Variants in KCNH7 observed in about 807,000 individuals in gnomAD.
KCNH7 encodes the protein potassium voltage-gated channel subfamily H member 7, also known as voltage-gated inwardly rectifying potassium channel KCNH7.
In KCNH7, 49 loss-of-function variants were observed where a neutral mutation model predicts 120.8. The ratio of observed to expected loss-of-function variants is 0.41; its 90% CI spans 0.32 to 0.51. KCNH7 has a LOEUF of 0.51. Among genes scored for constraint, KCNH7 ranks in the 20% least tolerant of loss-of-function variants. KCNH7 has a pLI of 0.38. For missense variants in KCNH7, 1,097 were observed against 1,446.6 expected (o/e 0.76, Z 3.92); for synonymous variants, 547 against 516.1 (o/e 1.06, Z -0.81).
At chr2:162,830,708 C>T (rs1398146059) in intron 2 of KCNH7, among the ~76,000 whole-genome samples, 1 of 152,168 alleles carries the variant, frequency 6.6e-6, no homozygotes, top group Non-Finnish European at 1.5e-5. Context: ...ATGGGCTCCA[C>T]TCTCCTGAAT....
At chr2:162,735,934 C>A (rs1170976304) in intron 2 of KCNH7, among the ~76,000 whole-genome samples, 1 of 152,216 alleles carries the variant, frequency 6.6e-6, no homozygotes, top group South Asian at 2.1e-4. Context: ...AGAAGGCCAG[C>A]AGAGCCTCAT....
intron 2 of KCNH7, among the ~76,000 whole-genome samples, chr2:162,695,022 T>C (rs1156291339): frequency 1.3e-5 from 2 of 152,116 alleles, no homozygotes; most frequent in African/African-American, 4.8e-5. Flanking sequence ...ATTACAGGTG[T>C]GAGAAAGTGC....
intron 2 of KCNH7, among the ~76,000 whole-genome samples, chr2:162,619,003 C>A (rs1309688068): frequency 2.0e-5 from 3 of 152,082 alleles, no homozygotes; most frequent in Non-Finnish European, 4.4e-5. Flanking sequence ...GACTCAGAGA[C>A]AAAGAGGTGA....
intron 2 of KCNH7, among the ~76,000 whole-genome samples, chr2:162,549,948 T>C (rs1222955340): frequency 6.6e-6 from 1 of 152,178 alleles, no homozygotes; most frequent in African/African-American, 2.4e-5. Flanking sequence ...TTCATTGATA[T>C]TTTAGACGCT....
At chr2:162,770,663 G>A (rs951877588) in intron 2 of KCNH7, among the ~76,000 whole-genome samples, 9 of 149,822 alleles carry the variant, frequency 6.0e-5, no homozygotes, top group East Asian at 5.9e-4. Context: ...AGAAAGTAAT[G>A]TTTTGTTTTT....
At chr2:162,686,831 A>AGCT (rs371243962) in intron 2 of KCNH7, among the ~76,000 whole-genome samples, 44 of 152,256 alleles carry the variant, frequency 2.9e-4, no homozygotes, top group African/African-American at 1.0e-3. Context: ...CAGGCATGTG[A>AGCT]GCTGCTGCAC....
chr2:162,535,338 T>C (rs1056316552), intron 3 of KCNH7, among the ~76,000 whole-genome samples: 24 of 151,776 alleles, frequency 1.6e-4, no homozygotes, highest in Admixed American at 1.4e-3. Context: ...TTAATAAAAG[T>C]CAATGTATAA....
At chr2:162,543,513 C>T (rs1692382690) in intron 2 of KCNH7, among the ~76,000 whole-genome samples, 1 of 152,000 alleles carries the variant, frequency 6.6e-6, no homozygotes, top group South Asian at 2.1e-4. Context: ...TGCTGTGTGG[C>T]AGTATTGACA....
chr2:162,727,308 T>A (rs1284005314), intron 2 of KCNH7, among the ~76,000 whole-genome samples: 2 of 152,158 alleles, frequency 1.3e-5, no homozygotes, highest in Non-Finnish European at 2.9e-5. Flanking sequence ...GGGCACAACA[T>A]AATAGAGATG....
chr2:162,782,565 A>T (rs1683540257), intron 2 of KCNH7, among the ~76,000 whole-genome samples: 1 of 152,224 alleles, frequency 6.6e-6, no homozygotes, highest in Non-Finnish European at 1.5e-5. Context: ...ACAAGACCAG[A>T]GACCAAATAA....
At chr2:162,406,612 T>C (rs1201742118) in intron 9 of KCNH7, among the ~76,000 whole-genome samples, 1 of 151,982 alleles carries the variant, frequency 6.6e-6, no homozygotes, top group Non-Finnish European at 1.5e-5. Context: ...TATGAAACAC[T>C]AAACCTCAAG....
At chr2:162,619,207 C>T (rs976510362) in intron 2 of KCNH7, among the ~76,000 whole-genome samples, 7 of 151,984 alleles carry the variant, frequency 4.6e-5, no homozygotes, top group Non-Finnish European at 1.0e-4. Context: ...AGTAACACAC[C>T]TTAAGAAATA....
intron 2 of KCNH7, among the ~76,000 whole-genome samples, chr2:162,730,789 G>A (rs35771953): frequency 0.021 from 3,240 of 152,054 alleles, 73 homozygotes; most frequent in East Asian, 0.11. Flanking sequence ...ATGTTCCAGT[G>A]TCATTCATGA....
At chr2:162,730,051 C>A (rs13028292) in intron 2 of KCNH7, among the ~76,000 whole-genome samples, 3,009 of 148,704 alleles carry the variant, frequency 0.02, 66 homozygotes, top group East Asian at 0.12. Flanking sequence ...GTAAATACAA[C>A]GTGTGAAAAT....
At chr2:162,812,650 C>T (rs1220704891) in intron 2 of KCNH7, among the ~76,000 whole-genome samples, 1 of 151,920 alleles carries the variant, frequency 6.6e-6, no homozygotes, top group Non-Finnish European at 1.5e-5. Flanking sequence ...CTGAAATAAC[C>T]TTTAGACATT....
At chr2:162,571,324 A>G (rs1559021484) in intron 2 of KCNH7, among the ~76,000 whole-genome samples, 1 of 152,132 alleles carries the variant, frequency 6.6e-6, no homozygotes, top group African/African-American at 2.4e-5. Flanking sequence ...AATACCTGGG[A>G]ATCCAACTTA....
chr2:162,435,175 C>A (rs1032795852), intron 8 of KCNH7, 23 bp downstream of exon 8: 2 of 1,591,620 alleles, frequency 1.3e-6, no homozygotes, highest in Non-Finnish European at 8.6e-7. Context: ...TCCTAATAGA[C>A]AACAGAAGAG....
chr2:162,821,161 A>G (rs1248447269), intron 2 of KCNH7, among the ~76,000 whole-genome samples: 1 of 152,246 alleles, frequency 6.6e-6, no homozygotes, highest in African/African-American at 2.4e-5. Context: ...ACACTTTAAC[A>G]GATTCCAAGA....
At chr2:162,380,682 G>A (rs986574218) in intron 13 of KCNH7, among the ~76,000 whole-genome samples, 1 of 151,964 alleles carries the variant, frequency 6.6e-6, no homozygotes, top group African/African-American at 2.4e-5. Flanking sequence ...TGTTTTTCTT[G>A]TGGCTCTTTA....
Sources: allele counts gnomAD v4.1 joint callset (sites outside exome capture counted in the v4.1 genomes callset), GRCh38; gene constraint gnomAD v4.1.1; transcripts MANE v1.5; gene names NCBI Gene and HGNC (gene_info 2026-07-23, HGNC 2026-07-21).